Variants in ZNF704 observed in about 807,000 individuals in gnomAD.
ZNF704 encodes glucocorticoid induced gene 1.
In ZNF704, 10 loss-of-function variants were observed where a neutral mutation model predicts 44.7. The observed-to-expected ratio is 0.22, with a 90% CI of 0.14 to 0.38. The LOEUF (loss-of-function observed/expected upper bound fraction) is 0.38. Ranked by LOEUF, ZNF704 falls within the 10% of genes least tolerant of loss-of-function variation. ZNF704 has a pLI of 1.00. For missense variants in ZNF704, 390 were observed against 545.5 expected, an observed-to-expected ratio of 0.71 and a Z score of 2.84; for synonymous variants, 211 against 207.6, an observed-to-expected ratio of 1.02 and a Z score of -0.14.
At chr8:80,797,030 G>C (rs974104284) in intron 2 of ZNF704, among the ~76,000 whole-genome samples, 3 of 141,200 alleles carry the variant, frequency 2.1e-5, no homozygotes, top group African/African-American at 7.7e-5. Flanking sequence ...GGAGGGAATA[G>C]CCCAAAAGAT....
intron 1 of ZNF704, among the ~76,000 whole-genome samples, chr8:80,860,534 A>C (rs981513552): frequency 6.6e-5 from 10 of 152,224 alleles, no homozygotes; most frequent in African/African-American, 2.4e-4. Context: ...TTTTGTATGG[A>C]AAAAATACCA....
At chr8:80,766,791 C>T (rs1404631242) in intron 2 of ZNF704, among the ~76,000 whole-genome samples, 1 of 152,106 alleles carries the variant, frequency 6.6e-6, no homozygotes, top group African/African-American at 2.4e-5. Flanking sequence ...CGGCTCATTG[C>T]AACCTTTGCC....
intron 6 of ZNF704, 150 bp downstream of exon 6, chr8:80,664,665 T>C: frequency 2.2e-6 from 2 of 913,034 alleles, no homozygotes; most frequent in Non-Finnish European, 3.4e-6. Flanking sequence ...CTGTGTGAGA[T>C]CTTAGGCTTT....
chr8:80,631,241 C>T lies in ZNF704; in HGVS notation c.*10125G>A, dbSNP rs1345972275. Reference sequence around the variant, plus strand: ...GTATGGGTAGTTTATCATGAAACTCCGCTGTATATCCCTGAGGGGTATATT... The same window carrying T: ...GTATGGGTAGTTTATCATGAAACTCTGCTGTATATCCCTGAGGGGTATATT... On this transcript the variant is annotated 3_prime_UTR_variant, in exon 9 of 9. Transcript: ENST00000327835. 4 of 152,248 alleles carry T rather than the reference C, an allele frequency of 2.6e-5. No homozygotes were observed. The highest frequency in any genetic ancestry group is 3.4e-3 in the Middle Eastern group (1 of 294). 9.4% of individuals were successfully genotyped at this position (152,248 alleles called of 1,614,324 possible).
At chr8:80,829,270 T>C (rs1046513728) in intron 1 of ZNF704, among the ~76,000 whole-genome samples, 3 of 152,188 alleles carry the variant, frequency 2.0e-5, no homozygotes, top group Non-Finnish European at 4.4e-5. Flanking sequence ...CCATCACTAG[T>C]CAATGCACTG....
chr8:80,837,268 T>G (rs1210146132), intron 1 of ZNF704, among the ~76,000 whole-genome samples: 1 of 152,162 alleles, frequency 6.6e-6, no homozygotes, highest in Non-Finnish European at 1.5e-5. Flanking sequence ...CTCAATTCTT[T>G]CCTTATCAAA....
intron 2 of ZNF704, among the ~76,000 whole-genome samples, chr8:80,702,558 G>C (rs1046461463): frequency 2.0e-5 from 3 of 152,230 alleles, no homozygotes; most frequent in African/African-American, 7.2e-5. Context: ...TTTGGAGAGA[G>C]AGCCATAGGT....
chr8:80,775,935 T>C (rs1332827215), intron 2 of ZNF704, among the ~76,000 whole-genome samples: 1 of 152,090 alleles, frequency 6.6e-6, no homozygotes, highest in African/African-American at 2.4e-5. Flanking sequence ...TGATAAAGAG[T>C]AGCTCATAAA....
intron 4 of ZNF704, among the ~76,000 whole-genome samples, chr8:80,686,506 T>G (rs924689334): frequency 6.6e-6 from 1 of 152,142 alleles, no homozygotes; most frequent in Non-Finnish European, 1.5e-5. Flanking sequence ...CTCAGCCTCC[T>G]GAGTAGATGA....
At chr8:80,735,399 A>G (rs770058185) in intron 2 of ZNF704, among the ~76,000 whole-genome samples, 2 of 152,196 alleles carry the variant, frequency 1.3e-5, no homozygotes, top group Non-Finnish European at 2.9e-5. Context: ...TTTACTCATG[A>G]TTTAGAAGGC....
chr8:80,849,139 TAAG>T (rs2129992771), intron 1 of ZNF704, among the ~76,000 whole-genome samples: 1 of 152,170 alleles, frequency 6.6e-6, no homozygotes, highest in East Asian at 1.9e-4. Flanking sequence ...TTAAATATAA[TAAG>T]AACTCAGTGA....
intron 2 of ZNF704, among the ~76,000 whole-genome samples, chr8:80,723,495 A>C (rs1175540659): frequency 6.6e-6 from 1 of 152,348 alleles, no homozygotes; most frequent in East Asian, 1.9e-4. Flanking sequence ...CTGCGGAGAA[A>C]GTGAAATGGA....
At chr8:80,734,058 A>G (rs1468490310) in intron 2 of ZNF704, among the ~76,000 whole-genome samples, 1 of 152,224 alleles carries the variant, frequency 6.6e-6, no homozygotes, top group Non-Finnish European at 1.5e-5. Flanking sequence ...TGGTGTTTCG[A>G]AAAACTGCCA....
intron 7 of ZNF704, among the ~76,000 whole-genome samples, chr8:80,645,858 G>A (rs1016472289): frequency 4.6e-5 from 7 of 152,206 alleles, no homozygotes; most frequent in African/African-American, 1.4e-4. Context: ...TAATGCTATG[G>A]CTTGAATGTT....
chr8:80,679,369 T>C (rs1020405389), intron 4 of ZNF704, among the ~76,000 whole-genome samples: 5 of 149,276 alleles, frequency 3.3e-5, no homozygotes, highest in Admixed American at 1.3e-4. Flanking sequence ...AAGCAAGCCA[T>C]GGGAGGAGGA....
At chr8:80,679,804 C>T (rs777119483) in intron 4 of ZNF704, among the ~76,000 whole-genome samples, 3 of 152,166 alleles carry the variant, frequency 2.0e-5, no homozygotes, top group Non-Finnish European at 2.9e-5. Context: ...TCCACGCAGT[C>T]GTGAGCAGAC....
intron 2 of ZNF704, among the ~76,000 whole-genome samples, chr8:80,807,945 C>T (rs887845150): frequency 9.2e-5 from 14 of 152,294 alleles, no homozygotes; most frequent in African/African-American, 2.9e-4. Context: ...TCTTGGTTTT[C>T]TCTATTCAGC....
At chr8:80,854,693 G>A (rs1808928109) in intron 1 of ZNF704, among the ~76,000 whole-genome samples, 1 of 152,140 alleles carries the variant, frequency 6.6e-6, no homozygotes, top group African/African-American at 2.4e-5. Flanking sequence ...GTGGGAGCAG[G>A]AGTCAGCAAA....
intron 4 of ZNF704, among the ~76,000 whole-genome samples, chr8:80,677,918 G>A (rs576582864): frequency 6.6e-6 from 1 of 152,234 alleles, no homozygotes; most frequent in African/African-American, 2.4e-5. Flanking sequence ...TTCTCAGTAT[G>A]ATTAACACTT....
Sources: gnomAD v4.1 joint callset for allele counts (sites outside exome capture counted in the v4.1 genomes callset) on GRCh38, gnomAD v4.1.1 for gene constraint, MANE v1.5 for transcripts, NCBI Gene and HGNC (gene_info 2026-07-23, HGNC 2026-07-21) for gene names.